ARPC1A: variants seen among roughly 807,000 people sequenced by gnomAD.
ARPC1A encodes actin-related protein 2/3 complex subunit 1A.
In ARPC1A, 8 loss-of-function variants were observed where a neutral mutation model predicts 46.9. The observed-to-expected ratio is 0.17, with a 90% confidence interval of 0.10 to 0.31. ARPC1A has a LOEUF of 0.31. Ranked by LOEUF, ARPC1A falls within the 10% of genes least tolerant of loss-of-function variation. The probability of loss-of-function intolerance (pLI) is 1.00; values close to 1 mark genes in which losing one functional copy is unlikely to be tolerated. For missense variants in ARPC1A, 286 were observed against 483.6 expected (o/e 0.59, Z 3.83); for synonymous variants, 152 against 169.0 (o/e 0.90, Z 0.78).
At chr7:99,327,585 G>A (rs1238260402) in intron 1 of ARPC1A, among the ~76,000 whole-genome samples, 1 of 151,426 alleles carries the variant, frequency 6.6e-6, no homozygotes, top group East Asian at 1.9e-4. Flanking sequence ...ACCTCCCAAA[G>A]TGCTGGGATT....
intron 9 of ARPC1A, 115 bp downstream of exon 9, chr7:99,363,748 C>A: frequency 1.4e-6 from 1 of 713,272 alleles, no homozygotes; most frequent in Non-Finnish European, 2.2e-6. Context: ...AATCATGGCT[C>A]ACTGCAGCCA....
At chr7:99,329,797 C>T (rs1051371388) in intron 1 of ARPC1A, among the ~76,000 whole-genome samples, 1 of 152,206 alleles carries the variant, frequency 6.6e-6, no homozygotes, top group Non-Finnish European at 1.5e-5. Flanking sequence ...TGCAGCTGTA[C>T]TTTTCAACTG....
intron 3 of ARPC1A, among the ~76,000 whole-genome samples, chr7:99,341,224 G>A (rs946991950): frequency 6.6e-6 from 1 of 152,058 alleles, no homozygotes; most frequent in Non-Finnish European, 1.5e-5. Context: ...CATGAGAATC[G>A]CTTGAACCCA....
chr7:99,347,800 G>A (rs375349076), intron 4 of ARPC1A, among the ~76,000 whole-genome samples: 3 of 149,916 alleles, frequency 2.0e-5, no homozygotes, highest in African/African-American at 7.4e-5. Context: ...TTGCACTCCA[G>A]CCTGGACAAC....
At chr7:99,358,468 C>A in intron 7 of ARPC1A, 53 bp downstream of exon 7, 1 of 1,512,754 alleles carries the variant, frequency 6.6e-7, no homozygotes, top group Non-Finnish European at 9.2e-7. Context: ...GATGCTCAGA[C>A]AGGGAACAAT....
intron 5 of ARPC1A, among the ~76,000 whole-genome samples, chr7:99,351,283 G>A (rs1359790413): frequency 6.6e-6 from 1 of 152,044 alleles, no homozygotes; most frequent in African/African-American, 2.4e-5. Context: ...GTGTGATCCT[G>A]GCTCACTGCA....
At chr7:99,331,513 G>T (rs191690866) in intron 1 of ARPC1A, among the ~76,000 whole-genome samples, 1 of 152,112 alleles carries the variant, frequency 6.6e-6, no homozygotes, top group East Asian at 1.9e-4. Flanking sequence ...CTATCTAATG[G>T]CAATACCGTT....
intron 7 of ARPC1A, among the ~76,000 whole-genome samples, chr7:99,359,115 G>A (rs1240469554): frequency 1.3e-5 from 2 of 149,334 alleles, no homozygotes; most frequent in South Asian, 2.3e-4. Flanking sequence ...ACAGGTGTGA[G>A]CCACCGTGCC....
chr7:99,337,512 A>G (rs1223291414), intron 2 of ARPC1A, among the ~76,000 whole-genome samples: 1 of 152,214 alleles, frequency 6.6e-6, no homozygotes, highest in Admixed American at 6.5e-5. Flanking sequence ...TTGATACTCA[A>G]AAAGTTTTGG....
Position 99,359,732 on chromosome 7 carries a change from G to T in ARPC1A, c.977G>T (p.Ser326Ile). Reference protein sequence around the residue: ...NTALETLHQNSITQVSIYEVD... With the variant: ...NTALETLHQNIITQVSIYEVD... Reference sequence around the variant, plus strand: ...GCCTTGGAGACGCTGCACCAGAATAGCATCACGTAGGTGCCGTCTGTAGAG... The same window carrying T: ...GCCTTGGAGACGCTGCACCAGAATATCATCACGTAGGTGCCGTCTGTAGAG... The change falls in exon 8 of 10, where the codon AGC becomes ATC. Residue 326 changes from serine (S) to isoleucine (I), a missense_variant. Ser to Ile is a moderately radical substitution (Grantham distance 142). This residue lies in a region of ARPC1A where 182 missense variants were observed against 276.7 expected (regional missense o/e 0.66). Transcript: ENST00000262942. 1 of 1,614,128 alleles carries T rather than the reference G, an allele frequency of 6.2e-7. No homozygotes were observed. Among genetic ancestry groups the T allele is most frequent in the Non-Finnish European group, 8.5e-7 (1 of 1,180,044 alleles).
chr7:99,365,834 CCTACCTCGGGGT>C, intron 9 of ARPC1A, 45 bp from the exon 10 acceptor site: 3 of 1,516,964 alleles, frequency 2.0e-6, no homozygotes, highest in Admixed American at 3.9e-5. Context: ...TGGTGTCATA[CCTACCTCGGGGT>C]AGACACTCCT....
chr7:99,348,796 G>A, intron 4 of ARPC1A, 56 bp from the exon 5 acceptor site: 1 of 1,426,680 alleles, frequency 7.0e-7, no homozygotes, highest in Non-Finnish European at 9.8e-7. Context: ...ACATTTGTAG[G>A]TCATTTGGGG....
Position 99,352,970 on chromosome 7 carries a change from A to AATATATAT in ARPC1A, c.501-931_501-924dup, listed in dbSNP as rs35059598. Among the ~76,000 whole-genome samples, 24 of 150,448 alleles carry AATATATAT rather than the reference A, an allele frequency of 1.6e-4. No individual in the cohort carries two copies. In the South Asian group the frequency reaches 5.0e-3, roughly 32 times the overall value. On this transcript the variant is annotated intron_variant, in intron 5 of 9. Coordinates refer to ENST00000262942, the MANE Select transcript of ARPC1A (RefSeq NM_006409.4). ...CAAGAGCAAGACTCTGTCCCCCAAA[A>AATATATAT]ATATATATATATATACTAGAATATG...
intron 1 of ARPC1A, among the ~76,000 whole-genome samples, chr7:99,330,246 A>T (rs1257880676): frequency 3.3e-5 from 5 of 152,132 alleles, no homozygotes; most frequent in African/African-American, 1.2e-4. Context: ...TTTCTCTGCC[A>T]GTTCAAGGTA....
chr7:99,348,827 C>G (rs374501061), intron 4 of ARPC1A, 25 bp from the exon 5 acceptor site: 34 of 1,598,466 alleles, frequency 2.1e-5, no homozygotes, highest in Non-Finnish European at 2.8e-5. Flanking sequence ...AGTGGATAAA[C>G]TGAAACAGTT....
chr7:99,332,532 A>G (rs1793160273), intron 1 of ARPC1A, among the ~76,000 whole-genome samples: 1 of 152,176 alleles, frequency 6.6e-6, no homozygotes, highest in Non-Finnish European at 1.5e-5. Context: ...ACGACCCTGA[A>G]CAGAATAAAT....
chr7:99,354,520 CA>C (rs149604532), intron 6 of ARPC1A, among the ~76,000 whole-genome samples: 9,239 of 55,826 alleles, frequency 0.17, 664 homozygotes, highest in African/African-American at 0.39. Context: ...GACTCCGTCT[CA>C]AAAAAAAAAA....
intron 5 of ARPC1A, among the ~76,000 whole-genome samples, chr7:99,350,728 T>C (rs987033579): frequency 9.6e-5 from 14 of 145,090 alleles, no homozygotes; most frequent in African/African-American, 3.6e-4. Context: ...TCCCTGCAGC[T>C]TCGACCTCCC....
At position 99,354,105 on chromosome 7, in the gene ARPC1A, G is replaced by GCCC; in HGVS notation, c.699_700insCCC (p.Ala233_Ser234insPro). 6.2e-7 allele frequency: 1 copy of GCCC among 1,613,770 alleles called. No homozygotes were observed. The highest frequency in any genetic ancestry group is 2.2e-5 in the East Asian group (1 of 44,880). On this transcript the variant is annotated inframe_insertion, in exon 6 of 10. Transcript: ENST00000262942. ...CGACAGCACCGTGTCTGTTGCTGATGCCTCAAAAAGTGTGCAGTGAGTATT... is the reference window on the plus strand; with the variant it reads ...CGACAGCACCGTGTCTGTTGCTGATGCCCCCTCAAAAAGTGTGCAGTGAGTATT...
Sources: gnomAD v4.1 joint callset for allele counts (sites outside exome capture counted in the v4.1 genomes callset) on GRCh38, gnomAD v4.1.1 for gene constraint, gnomAD v4.1.1 regional missense constraint, MANE v1.5 for transcripts, NCBI Gene and HGNC (gene_info 2026-07-23, HGNC 2026-07-21) for gene names.